Variants in MCU observed in about 807,000 individuals in gnomAD.
MCU encodes the protein mitochondrial calcium uniporter.
A neutral mutation model predicts 45.2 loss-of-function variants in MCU; 12 were observed. The observed-to-expected ratio is 0.27, with a 90% confidence interval of 0.17 to 0.43. MCU has a LOEUF of 0.43. MCU is among the 20% of genes least tolerant of loss of function. MCU has a pLI of 1.00. For missense variants in MCU, 324 were observed against 436.7 expected (o/e 0.74, Z 2.30); for synonymous variants, 160 against 165.1 (o/e 0.97, Z 0.24).
intron 1 of MCU, among the ~76,000 whole-genome samples, chr10:72,799,262 G>A (rs982518752): frequency 6.6e-6 from 1 of 152,144 alleles, no homozygotes; most frequent in African/African-American, 2.4e-5. Context: ...AGTTTTCATT[G>A]TATTGATATA....
In MCU at chr10:72,823,587, T is replaced by C. The variant is rs12573378; in HGVS notation, c.151-10772T>C. 8.6e-3 allele frequency among the ~76,000 whole-genome samples: 1,314 copies of C among 152,348 alleles called. 44 individuals carry two copies. The highest frequency in any genetic ancestry group is 0.07 in the East Asian group (361 of 5,188). On this transcript the variant is annotated intron_variant, in intron 1 of 7. Transcript: ENST00000373053. ...ACTGCACTAAGACCTTTAATGACTA[T>C]TATTCTTTGGTATTAATCTTAATGT...
intron 1 of MCU, among the ~76,000 whole-genome samples, chr10:72,770,577 TAA>T (rs1352401312): frequency 2.0e-5 from 3 of 152,242 alleles, no homozygotes; most frequent in Admixed American, 2.0e-4. Flanking sequence ...TTACACCTTT[TAA>T]AGACACCAAG....
intron 4 of MCU, among the ~76,000 whole-genome samples, chr10:72,868,287 G>C (rs866272332): frequency 1.3e-5 from 2 of 152,068 alleles, no homozygotes; most frequent in East Asian, 3.9e-4. Context: ...GGTGGCTAAT[G>C]CCTATAATAC....
intron 1 of MCU, among the ~76,000 whole-genome samples, chr10:72,714,099 T>TGGGATTAC (rs900381237): frequency 5.1e-4 from 78 of 151,556 alleles, no homozygotes; most frequent in Non-Finnish European, 7.5e-4. Context: ...CCCGAGTAGC[T>TGGGATTAC]GGGATTACAG....
chr10:72,863,534 G>A (rs906909636), intron 4 of MCU, among the ~76,000 whole-genome samples: 2 of 152,154 alleles, frequency 1.3e-5, no homozygotes, highest in Admixed American at 6.5e-5. Context: ...ACTTGCAAAC[G>A]AACCACATAA....
intron 1 of MCU, among the ~76,000 whole-genome samples, chr10:72,721,726 A>T (rs917632425): frequency 6.6e-6 from 1 of 152,128 alleles, no homozygotes; most frequent in African/African-American, 2.4e-5. Context: ...TTGTTCTGAG[A>T]TGATTTTAAT....
chr10:72,792,067 G>A (rs1462621346), intron 1 of MCU, among the ~76,000 whole-genome samples: 1 of 152,186 alleles, frequency 6.6e-6, no homozygotes, highest in Non-Finnish European at 1.5e-5. Context: ...CCGAACTGGG[G>A]TTTACTTGCC....
chr10:72,717,750 G>C (rs529186374), intron 1 of MCU, among the ~76,000 whole-genome samples: 1 of 152,280 alleles, frequency 6.6e-6, no homozygotes, highest in Middle Eastern at 3.4e-3. Context: ...GTATATTTGT[G>C]TATGTGTGTG....
chr10:72,776,045 G>A (rs1304467170), intron 1 of MCU, among the ~76,000 whole-genome samples: 3 of 152,064 alleles, frequency 2.0e-5, no homozygotes, highest in Non-Finnish European at 4.4e-5. Flanking sequence ...GCATGTGCCT[G>A]TAGCCCCAGT....
At position 72,836,586 on chromosome 10, in the gene MCU, G is replaced by A. The variant is rs77111487; in HGVS notation, c.220+2158G>A. Among the ~76,000 whole-genome samples the A allele has an allele frequency of 7.8e-3, 1,180 of 152,018 alleles. 17 individuals are homozygous for A. Among genetic ancestry groups the A allele is most frequent in the African/African-American group, 0.027 (1,114 of 41,452 alleles). The stretch of plus-strand genomic sequence containing the variant: ...TACAGTTAGGCCAGATGTTATCAGA[G>A]GACATAAATGCTGATAGGTTGCCAT... On this transcript the variant is annotated intron_variant, in intron 2 of 7. Coordinates refer to ENST00000373053, the MANE Select transcript of MCU (RefSeq NM_138357.3).
intron 1 of MCU, among the ~76,000 whole-genome samples, chr10:72,712,040 CCAAAAAA>C (rs1359230583): frequency 6.6e-6 from 1 of 151,378 alleles, no homozygotes; most frequent in African/African-American, 2.4e-5. Flanking sequence ...AAAAAAAAAC[CCAAAAAA>C]CAAAAAAAAA....
chr10:72,887,001 CT>C lies in MCU; in HGVS notation c.*1181del, dbSNP rs2132910591. On this transcript the variant is annotated 3_prime_UTR_variant, in exon 8 of 8. Transcript: ENST00000373053. ...TTAAATTGAGAGAAAGAGAATTAATCTTATACTTTGTCAAAACATTTTCTAC... is the reference window on the plus strand; with the variant it reads ...TTAAATTGAGAGAAAGAGAATTAATCTATACTTTGTCAAAACATTTTCTAC... 6.6e-6 allele frequency: 1 copy of C among 152,432 alleles called. No individual in the cohort carries two copies. The highest frequency in any genetic ancestry group is 1.9e-4 in the East Asian group (1 of 5,324). 9.4% of individuals were successfully genotyped at this position (152,432 alleles called of 1,614,324 possible). A position where few individuals can be genotyped will look rare whatever the true frequency, so the allele number is the denominator to read the frequency against.
chr10:72,834,479 C>A, intron 2 of MCU, 51 bp downstream of exon 2: 1 of 1,486,316 alleles, frequency 6.7e-7, no homozygotes, highest in Non-Finnish European at 9.3e-7. Context: ...TCCTTCTTAG[C>A]TCAGTGTTTC....
intron 1 of MCU, among the ~76,000 whole-genome samples, chr10:72,785,728 A>T (rs1000242519): frequency 6.6e-6 from 1 of 152,198 alleles, no homozygotes; most frequent in Non-Finnish European, 1.5e-5. Flanking sequence ...TGCAATTTTC[A>T]TCTTGGTTTA....
chr10:72,720,760 A>G (rs1043482440), intron 1 of MCU, among the ~76,000 whole-genome samples: 1 of 152,208 alleles, frequency 6.6e-6, no homozygotes, highest in African/African-American at 2.4e-5. Flanking sequence ...TATTCTCTGC[A>G]GTGTCTTATA....
At chr10:72,753,380 A>G (rs1843529397) in intron 1 of MCU, among the ~76,000 whole-genome samples, 1 of 152,240 alleles carries the variant, frequency 6.6e-6, no homozygotes, top group Non-Finnish European at 1.5e-5. Flanking sequence ...GTTACATTGT[A>G]CAATATAGTT....
At chr10:72,749,523 C>T (rs1843463663) in intron 1 of MCU, among the ~76,000 whole-genome samples, 1 of 151,566 alleles carries the variant, frequency 6.6e-6, no homozygotes, top group African/African-American at 2.4e-5. Flanking sequence ...CTTTTTTGGC[C>T]TATTATAGGG....
At chr10:72,828,231 AG>A (rs1428459895) in intron 1 of MCU, among the ~76,000 whole-genome samples, 1 of 152,198 alleles carries the variant, frequency 6.6e-6, no homozygotes, top group Non-Finnish European at 1.5e-5. Context: ...GAAATGTAAC[AG>A]GGAGATACAA....
At position 72,838,676 on chromosome 10, in the gene MCU, G is replaced by A. The variant is rs79763556; in HGVS notation, c.220+4248G>A. Among the ~76,000 whole-genome samples the A allele has an allele frequency of 4.0e-3, 609 of 152,242 alleles. 2 individuals carry two copies. The highest frequency in any genetic ancestry group is 6.9e-3 in the Non-Finnish European group (466 of 68,010). The stretch of plus-strand genomic sequence containing the variant: ...AGTGAGAGAGAATTGCTAGAGAGTT[G>A]TTATGTTTATCTTGTACTTAACAAA... On this transcript the variant is annotated intron_variant, in intron 2 of 7. Coordinates refer to ENST00000373053, the MANE Select transcript of MCU (RefSeq NM_138357.3).
Sources: gnomAD v4.1 joint callset for allele counts (sites outside exome capture counted in the v4.1 genomes callset) on GRCh38, gnomAD v4.1.1 for gene constraint, MANE v1.5 for transcripts, NCBI Gene and HGNC (gene_info 2026-07-23, HGNC 2026-07-21) for gene names.